The following PTK6 variants were observed in gnomAD, a reference collection of about 807,000 sequenced individuals.
The protein encoded by PTK6 is protein-tyrosine kinase 6.
A neutral mutation model predicts 47.5 loss-of-function variants in PTK6; 47 were observed. That is an observed-to-expected ratio of 0.99 (90% CI 0.78 to 1.26). The LOEUF is 1.26. Among genes scored for constraint, PTK6 ranks in the 50% most tolerant of loss-of-function variants. The probability of loss-of-function intolerance (pLI) is 0.00; values close to 1 mark genes in which losing one functional copy is unlikely to be tolerated. For synonymous variants in PTK6, 287 were observed against 276.5 expected, an observed-to-expected ratio of 1.04 and a Z score of -0.38; for missense variants, 618 against 625.3, an observed-to-expected ratio of 0.99 and a Z score of 0.12.
At position 63,530,820 on chromosome 20, in the gene PTK6, C is replaced by T. The variant is rs749526666; in HGVS notation, c.940G>A (p.Ala314Thr). 3 of 1,614,110 alleles carry T rather than the reference C, an allele frequency of 1.9e-6. No homozygotes were observed. Among genetic ancestry groups the T allele is most frequent in the East Asian group, 2.2e-5 (1 of 44,872 alleles). ...ESQNYIHRDL[A>T]ARNILVGENT... is the part of the protein sequence containing the mutation. ...TCCCCGACGAGGATGTTCCTGGCGG[C>T]CAGGTCCCGGTGGATGTAATTCTGC... Residue 314 changes from alanine (A) to threonine (T), a missense_variant, in exon 6 of 8, where the codon GCC (alanine) becomes ACC (threonine). Transcript: ENST00000542869. This position sits in a 1 kb window ranked among gnomAD's most constrained non-coding sequence, Gnocchi z 4.1.
rs1372352709 is a variant in PTK6, at chr20:63,530,252, A to G, written c.1015-21T>C. 2 of 1,611,410 alleles carry G rather than the reference A, an allele frequency of 1.2e-6. No individual in the cohort carries two copies. Among genetic ancestry groups the G allele is most frequent in the Non-Finnish European group, 1.7e-6 (2 of 1,178,218 alleles). ...TCCTCCTGCAATCAGCCTGGAGCTG[A>G]GTGGGCCGTGGGGGCTGCCTGTGCC... On this transcript the variant is annotated intron_variant, in intron 6 of 7. Coordinates refer to ENST00000542869, the MANE Select transcript of PTK6 (RefSeq NM_005975.4). The surrounding 1 kb of genome is among the most constrained non-coding windows in gnomAD (Gnocchi z 4.1).
rs1175143201 is a variant in PTK6, at chr20:63,530,032, C to G, written c.1168+46G>C. The G allele has an allele frequency of 6.2e-7, 1 of 1,606,460 alleles. No homozygotes were observed. Among genetic ancestry groups the G allele is most frequent in the East Asian group, 2.2e-5 (1 of 44,766 alleles). On this transcript the variant is annotated intron_variant, in intron 7 of 7. Coordinates refer to ENST00000542869, the MANE Select transcript of PTK6 (RefSeq NM_005975.4). This position sits in a 1 kb window ranked among gnomAD's most constrained non-coding sequence, Gnocchi z 4.1. ...GTCCCTGCCGGCTACCCAGGACCTC[C>G]CCCACTCTGCCTCTCATGCCCAGTC... is the stretch of plus-strand genomic sequence containing the variant.
In PTK6 at chr20:63,529,933, G is replaced by T. The variant is rs113860635; in HGVS notation, c.1168+145C>A. On this transcript the variant is annotated intron_variant, in intron 7 of 7. Transcript: ENST00000542869. The surrounding 1 kb of genome is among the most constrained non-coding windows in gnomAD (Gnocchi z 5.6). ...CCAGGCACCAGCCTGGGTGCTCAGA[G>T]AATGGTGCAGGTGTGGAGTTCAGGC... 1.7e-6 allele frequency: 2 copies of T among 1,162,874 alleles called. No individual in the cohort carries two copies. Among genetic ancestry groups the T allele is most frequent in the African/African-American group, 3.2e-5 (2 of 63,096 alleles). The allele number at this position is 1,162,874 out of a possible 1,614,324, so 72.0% of individuals were successfully genotyped here.
In PTK6 at chr20:63,530,994, G is replaced by A; in HGVS notation, c.833-67C>T. 7.1e-7 allele frequency: 1 copy of A among 1,406,772 alleles called. No homozygotes were observed. The highest frequency in any genetic ancestry group is 1.4e-5 in the South Asian group (1 of 69,584). 87.1% of individuals were successfully genotyped at this position (1,406,772 alleles called of 1,614,324 possible). A position where few individuals can be genotyped will look rare whatever the true frequency, so the allele number is the denominator to read the frequency against. ...AGCTGAGGTGGGGAAGGGTTGGGGA[G>A]GCTGGGCCATGTCTCATCTGCCTCC... is the stretch of plus-strand genomic sequence containing the variant. On this transcript the variant is annotated intron_variant, in intron 5 of 7. Coordinates refer to ENST00000542869, the MANE Select transcript of PTK6 (RefSeq NM_005975.4). The surrounding 1 kb of genome is among the most constrained non-coding windows in gnomAD (Gnocchi z 4.1).
intron 5 of PTK6, among the ~76,000 whole-genome samples, chr20:63,532,307 CTGTG>C (rs375836663): frequency 2.7e-5 from 4 of 147,996 alleles, no homozygotes; most frequent in East Asian, 2.0e-4. Context: ...GTGTGTGTGT[CTGTG>C]TGTGCATGTG....
chr20:63,530,233 T>C lies in PTK6; in HGVS notation c.1015-2A>G, dbSNP rs1370842847. The C allele has an allele frequency of 6.2e-7, 1 of 1,613,612 alleles. No individual in the cohort carries two copies. Among genetic ancestry groups the C allele is most frequent in the Non-Finnish European group, 8.5e-7 (1 of 1,179,850 alleles). On this transcript the variant is annotated splice_acceptor_variant, in intron 6 of 7. Transcript: ENST00000542869. LOFTEE classifies it high-confidence loss of function. The surrounding 1 kb of genome is among the most constrained non-coding windows in gnomAD (Gnocchi z 4.1). ...GTCATGGGAGAGGTAGACGTCCTCC[T>C]GCAATCAGCCTGGAGCTGAGTGGGC...
At chr20:63,536,257 C>T (rs907540817) in intron 1 of PTK6, among the ~76,000 whole-genome samples, 3 of 131,400 alleles carry the variant, frequency 2.3e-5, no homozygotes, top group African/African-American at 9.0e-5. Flanking sequence ...TGGGAGCTGA[C>T]CAGCCTCCGG....
In PTK6 at chr20:63,528,186, T is replaced by TTATA; in HGVS notation, c.*1349_*1350insTATA. On this transcript the variant is annotated 3_prime_UTR_variant, in exon 8 of 8. Coordinates refer to ENST00000542869, the MANE Select transcript of PTK6 (RefSeq NM_005975.4). ...GATAACGTATCAGATTTCTAGGAAT[T>TTATA]TTATAGAGTTTCTGCAACATTCATA... 1 of 152,150 alleles carries TTATA rather than the reference T, an allele frequency of 6.6e-6. No individual in the cohort carries two copies. The highest frequency in any genetic ancestry group is 1.9e-4 in the East Asian group (1 of 5,198). The allele number at this position is 152,150 out of a possible 1,614,324, so 9.4% of individuals were successfully genotyped here. A position where few individuals can be genotyped will look rare whatever the true frequency, so the allele number is the denominator to read the frequency against.
intron 1 of PTK6, 141 bp downstream of exon 1, chr20:63,536,944 C>T: frequency 3.3e-6 from 3 of 916,614 alleles, no homozygotes; most frequent in Non-Finnish European, 4.9e-6. Flanking sequence ...AGCGGGATGC[C>T]CAGCCTGGAC....
chr20:63,533,645 C>A lies in PTK6; in HGVS notation c.576G>T (p.Thr192=). 1 of 1,613,938 alleles carries A rather than the reference C, an allele frequency of 6.2e-7. No individual in the cohort carries two copies. Among genetic ancestry groups the A allele is most frequent in the Non-Finnish European group, 8.5e-7 (1 of 1,179,992 alleles). ...AGCCGGACCCCAGCTTCCTGCAGAG[C>A]GTGAACTCCTCCCTCGGCCTCTCCC... ...DDWERPREEF[T]LCRKLGSGYF... The change falls in exon 4 of 8, where the codon ACG becomes ACT. Residue 192 remains threonine (T), a synonymous_variant. Coordinates refer to ENST00000542869, the MANE Select transcript of PTK6 (RefSeq NM_005975.4). This position sits in a 1 kb window ranked among gnomAD's most constrained non-coding sequence, Gnocchi z 4.0.
At chr20:63,531,614 CA>C (rs111459656) in intron 5 of PTK6, among the ~76,000 whole-genome samples, 194 of 120,442 alleles carry the variant, frequency 1.6e-3, no homozygotes, top group Non-Finnish European at 2.2e-3. Flanking sequence ...GACTCCGTCT[CA>C]AAAAAAAAAA....
rs2082652405 is a variant in PTK6, at chr20:63,534,927, CG to C, written c.352+10del. ...CGCAGGCAAGCACAGGCTCGGAGGC[CG>C]GGGCCGCACCCGACAGGACGTAGTC... On this transcript the variant is annotated intron_variant, in intron 2 of 7. Transcript: ENST00000542869. 6 of 1,587,304 alleles carry C rather than the reference CG, an allele frequency of 3.8e-6. No individual in the cohort carries two copies. Among genetic ancestry groups the C allele is most frequent in the South Asian group, 1.1e-5 (1 of 89,472 alleles).
rs1377423499 is a variant in PTK6, at chr20:63,532,758, T to C, written c.671-71A>G. The C allele has an allele frequency of 1.9e-6, 3 of 1,553,802 alleles. No individual in the cohort carries two copies. The East Asian group carries it at 6.8e-5, about 35-fold the overall frequency. ...GGCCCCAAGGAAGAGGCCAAGGCCC[T>C]GCCCCCACACACAGCAGCCATCACA... On this transcript the variant is annotated intron_variant, in intron 4 of 7. Coordinates refer to ENST00000542869, the MANE Select transcript of PTK6 (RefSeq NM_005975.4).
Position 63,533,573 on chromosome 20 carries a change from C to G in PTK6, c.648G>C (p.Val216=). 6.2e-7 allele frequency: 1 copy of G among 1,612,384 alleles called. No individual in the cohort carries two copies. Among genetic ancestry groups the G allele is most frequent in the Non-Finnish European group, 8.5e-7 (1 of 1,179,196 alleles). Reference sequence around the variant, plus strand: ...CACCTCGAGAAATCACCTTAATGGCCACCTGGACCCGGTCTTTCCAGAGCC... The same window carrying G: ...CACCTCGAGAAATCACCTTAATGGCGACCTGGACCCGGTCTTTCCAGAGCC... The part of the protein sequence containing the change: ...FEGLWKDRVQ[V]AIKVISRDNL... The change falls in exon 4 of 8, where the codon GTG becomes GTC. Residue 216 remains valine, a synonymous_variant. Coordinates refer to ENST00000542869, the MANE Select transcript of PTK6 (RefSeq NM_005975.4). The surrounding 1 kb of genome is among the most constrained non-coding windows in gnomAD (Gnocchi z 4.0).
At chr20:63,532,411 C>CTGTGTGTCTGTGTCTGTGTGTGTGCATG in intron 5 of PTK6, 115 bp downstream of exon 5, 1 of 1,313,420 alleles carries the variant, frequency 7.6e-7, no homozygotes. Context: ...ATGTGTGTGT[C>CTGTGTGTCTGTGTCTGTGTGTGTGCATG]TGTGTGTCTG....
At chr20:63,531,044 G>A (rs2082615016) in intron 5 of PTK6, 117 bp from the exon 6 acceptor site, 5 of 1,007,668 alleles carry the variant, frequency 5.0e-6, no homozygotes, top group Non-Finnish European at 7.0e-6. Context: ...CAGAGGAGGG[G>A]CCGGGGCAAA....
Position 63,528,829 on chromosome 20 carries a change from GCC to G in PTK6, c.*705_*706del, listed in dbSNP as rs993283780. On this transcript the variant is annotated 3_prime_UTR_variant, in exon 8 of 8. Transcript: ENST00000542869. ...TTCAAAATCAGGTGCAAAGGAGGCA[GCC>G]CCCCCAGCCCGGAACCACCCCACAG... 1 of 152,268 alleles carries G rather than the reference GCC, an allele frequency of 6.6e-6. No individual in the cohort carries two copies. Among genetic ancestry groups the G allele is most frequent in the Non-Finnish European group, 1.5e-5 (1 of 68,154 alleles). 9.4% of individuals were successfully genotyped at this position (152,268 alleles called of 1,614,324 possible). A position where few individuals can be genotyped will look rare whatever the true frequency, so the allele number is the denominator to read the frequency against.
chr20:63,534,134 T>G lies in PTK6; in HGVS notation c.516+18A>C. 6.5e-7 allele frequency: 1 copy of G among 1,537,768 alleles called. No homozygotes were observed. The highest frequency in any genetic ancestry group is 8.7e-7 in the Non-Finnish European group (1 of 1,142,922). On this transcript the variant is annotated intron_variant, in intron 3 of 7. Transcript: ENST00000542869. ...CCCAGCCTGACCCCGCGTGACCAAG[T>G]CAGGGCGGAGCGGCTACCTTCCGGC...
intron 5 of PTK6, among the ~76,000 whole-genome samples, 166 bp downstream of exon 5, chr20:63,532,360 C>CTGTGT (rs2082630652): frequency 9.1e-6 from 1 of 109,334 alleles, no homozygotes; most frequent in African/African-American, 5.9e-5. Flanking sequence ...TGTGTCTGTG[C>CTGTGT]GTGTGTGTCT....
Sources: allele counts gnomAD v4.1 joint callset (sites outside exome capture counted in the v4.1 genomes callset), GRCh38; gene constraint gnomAD v4.1.1; non-coding constraint Gnocchi (gnomAD v3.1); transcripts MANE v1.5; gene names NCBI Gene and HGNC (gene_info 2026-07-23, HGNC 2026-07-21).